The following MPP4 variants were observed in gnomAD, a reference collection of about 807,000 sequenced individuals.
MPP4 encodes MAGUK p55 scaffold protein 4, also known as MAGUK p55 subfamily member 4.
Under a neutral mutation model 98.3 loss-of-function variants are expected in MPP4, and 91 were observed. That is an observed-to-expected ratio of 0.93 (90% CI 0.78 to 1.10). MPP4 has a LOEUF of 1.10. MPP4 is among the 50% of genes least tolerant of loss of function. The pLI is 0.00. For synonymous variants in MPP4, 261 were observed against 271.8 expected, an observed-to-expected ratio of 0.96 and a Z score of 0.39; for missense variants, 744 against 792.9, an observed-to-expected ratio of 0.94 and a Z score of 0.74.
At chr2:201,660,487 G>T in intron 14 of MPP4, 141 bp from the exon 15 acceptor site, 1 of 875,920 alleles carries the variant, frequency 1.1e-6, no homozygotes, top group Non-Finnish European at 1.9e-6. Flanking sequence ...GTAAGGCCTG[G>T]CAAGGCAAAT....
chr2:201,650,039 A>T (rs1168693467), intron 19 of MPP4, 33 bp downstream of exon 19: 3 of 1,504,612 alleles, frequency 2.0e-6, no homozygotes, highest in Non-Finnish European at 2.7e-6. Context: ...AAACAACAAG[A>T]GGTAAGAATC....
chr2:201,649,549 G>A, intron 20 of MPP4, 27 bp downstream of exon 20: 1 of 1,503,710 alleles, frequency 6.7e-7, no homozygotes, highest in Non-Finnish European at 9.1e-7. Context: ...ATTGTTTGGG[G>A]ACATAAATAT....
chr2:201,651,655 C>T (rs909887553), intron 18 of MPP4: 122 of 985,086 alleles, frequency 1.2e-4, no homozygotes, highest in Non-Finnish European at 1.4e-4. Context: ...TTCAGACTAT[C>T]GAAAAATGGT....
chr2:201,670,368 T>C (rs1406882782), intron 11 of MPP4, among the ~76,000 whole-genome samples: 1 of 152,040 alleles, frequency 6.6e-6, no homozygotes, highest in Non-Finnish European at 1.5e-5. Flanking sequence ...TAGTTGAAAA[T>C]AAATGATCTT....
chr2:201,648,554 A>G (rs4675207), intron 20 of MPP4, among the ~76,000 whole-genome samples: 5,997 of 152,106 alleles, frequency 0.039, 380 homozygotes, highest in African/African-American at 0.13. Flanking sequence ...TCTTACTAGC[A>G]GAGTAAGAGT....
chr2:201,693,415 C>T (rs1689095031), intron 2 of MPP4, among the ~76,000 whole-genome samples: 1 of 152,160 alleles, frequency 6.6e-6, no homozygotes, highest in Non-Finnish European at 1.5e-5. Context: ...TATCCTCTTT[C>T]TCTAACTCAA....
chr2:201,696,805 G>C (rs183063300), intron 1 of MPP4, among the ~76,000 whole-genome samples: 1 of 152,218 alleles, frequency 6.6e-6, no homozygotes, highest in East Asian at 1.9e-4. Context: ...ATTCTAAAAG[G>C]CTCGTTTTGA....
At chr2:201,668,156 C>T (rs944751284) in intron 12 of MPP4, among the ~76,000 whole-genome samples, 2 of 152,108 alleles carry the variant, frequency 1.3e-5, no homozygotes, top group African/African-American at 4.8e-5. Context: ...CTAGTAACAG[C>T]ATGAGAAGCT....
intron 17 of MPP4, 99 bp downstream of exon 17, chr2:201,656,099 A>G: frequency 7.6e-7 from 1 of 1,323,128 alleles, no homozygotes; most frequent in East Asian, 2.6e-5. Flanking sequence ...GGGGGTCCAT[A>G]AAGAGTTCTA....
chr2:201,674,265 G>A (rs1688434889), intron 11 of MPP4, among the ~76,000 whole-genome samples: 1 of 152,212 alleles, frequency 6.6e-6, no homozygotes, highest in South Asian at 2.1e-4. Flanking sequence ...AGAGATCTTG[G>A]AAGGCCTCAA....
chr2:201,684,606 T>C (rs1161488673), intron 7 of MPP4, among the ~76,000 whole-genome samples: 1 of 152,210 alleles, frequency 6.6e-6, no homozygotes, highest in Non-Finnish European at 1.5e-5. Flanking sequence ...CTTTCTTTAC[T>C]GCTTTATCCA....
intron 4 of MPP4, among the ~76,000 whole-genome samples, chr2:201,689,615 T>C (rs1386681851): frequency 3.9e-5 from 6 of 152,078 alleles, no homozygotes. Context: ...AAAGTAGAGC[T>C]GAGAGGATTT....
chr2:201,650,618 T>G, intron 18 of MPP4: 2 of 985,372 alleles, frequency 2.0e-6, no homozygotes, highest in Non-Finnish European at 2.4e-6. Flanking sequence ...AGAAAAGCTT[T>G]TGGAGAAACT....
At chr2:201,668,072 C>A (rs924424108) in intron 12 of MPP4, among the ~76,000 whole-genome samples, 3 of 152,032 alleles carry the variant, frequency 2.0e-5, no homozygotes, top group African/African-American at 7.2e-5. Context: ...AGTTGTTTTT[C>A]TTTAGGGCAA....
intron 16 of MPP4, among the ~76,000 whole-genome samples, chr2:201,658,218 G>A (rs1368216163): frequency 2.0e-5 from 3 of 152,056 alleles, no homozygotes; most frequent in Non-Finnish European, 4.4e-5. Flanking sequence ...AATAGGTTAC[G>A]AAACAGTCTG....
rs1210825455 is a variant in MPP4, at chr2:201,690,269, C to A, written c.212G>T (p.Cys71Phe). ...TTTCTTTTCTTTAAATTCCTGGAGG[C>A]AGTCATAAATCTGCAGAAGGACAAG... ...WLQALLKIYDCLQEFKEKKLV... is the reference protein window; with the variant it reads ...WLQALLKIYDFLQEFKEKKLV... The change falls in exon 4 of 22, where the codon TGC becomes TTC. Residue 71 changes from cysteine (C) to phenylalanine (F), a missense_variant. Transcript: ENST00000409474. 6.2e-7 allele frequency: 1 copy of A among 1,603,942 alleles called. No homozygotes were observed.
At chr2:201,697,039 A>C (rs1689207878) in intron 1 of MPP4, among the ~76,000 whole-genome samples, 1 of 152,160 alleles carries the variant, frequency 6.6e-6, no homozygotes, top group South Asian at 2.1e-4. Context: ...GGTTAAGGTC[A>C]TGAGGTAGAG....
chr2:201,646,482 G>A (rs1457656015), intron 21 of MPP4, among the ~76,000 whole-genome samples: 1 of 151,458 alleles, frequency 6.6e-6, no homozygotes, highest in Non-Finnish European at 1.5e-5. Context: ...CACAAATGCA[G>A]GCACCAAAAT....
At position 201,650,155 on chromosome 2, in the gene MPP4, A is replaced by G. The variant is rs780128801; in HGVS notation, c.1392T>C (p.Arg464=). ...CATTCATTTCGTAACTCTTTTTAGT[A>G]CGAGTAGTGTCTATCAGAAAAAGGG... ...HFQSAVPHTT[R]TKKSYEMNGR... The change falls in exon 19 of 22, where the codon CGT becomes CGC. Residue 464 remains arginine, a synonymous_variant. Coordinates refer to ENST00000409474, the MANE Select transcript of MPP4 (RefSeq NM_033066.3). 5.9e-5 allele frequency: 92 copies of G among 1,569,310 alleles called. No individual in the cohort carries two copies. Among genetic ancestry groups the G allele is most frequent in the Non-Finnish European group, 7.9e-5 (91 of 1,155,178 alleles).
Sources: allele counts gnomAD v4.1 joint callset (sites outside exome capture counted in the v4.1 genomes callset), GRCh38; gene constraint gnomAD v4.1.1; transcripts MANE v1.5; gene names NCBI Gene and HGNC (gene_info 2026-07-23, HGNC 2026-07-21).